MBNL3: variants seen among roughly 807,000 people sequenced by gnomAD.
MBNL3 encodes the protein muscleblind-like protein 3.
Under a neutral mutation model 24.5 loss-of-function variants are expected in MBNL3, and 6 were observed. The observed-to-expected ratio is 0.25, with a 90% CI of 0.13 to 0.48. The LOEUF (loss-of-function observed/expected upper bound fraction) is 0.48, where lower values mean the gene tolerates loss of function less well. Ranked by LOEUF, MBNL3 falls within the 20% of genes least tolerant of loss-of-function variation. The probability of loss-of-function intolerance (pLI) is 0.99; values close to 1 mark genes in which losing one functional copy is unlikely to be tolerated. For synonymous variants in MBNL3, 100 were observed against 101.7 expected, an observed-to-expected ratio of 0.98 and a Z score of 0.10; for missense variants, 230 against 293.5, an observed-to-expected ratio of 0.78 and a Z score of 1.58.
chrX:132,440,977 A>G (rs1004205154), intron 1 of MBNL3, among the ~76,000 whole-genome samples: 1 of 112,626 alleles, frequency 8.9e-6, no homozygotes, highest in Non-Finnish European at 1.9e-5. Context: ...TTTTTCAACA[A>G]TATTTTCAAC....
chrX:132,389,035 G>T (rs767126305), intron 5 of MBNL3, among the ~76,000 whole-genome samples: 1 of 111,546 alleles, frequency 9.0e-6, no homozygotes, highest in Admixed American at 9.5e-5. Context: ...AGCTCTCTAC[G>T]TGGAAATTTG....
intron 1 of MBNL3, among the ~76,000 whole-genome samples, chrX:132,485,721 C>T (rs1947977025): frequency 8.9e-6 from 1 of 112,376 alleles, no homozygotes; most frequent in Non-Finnish European, 1.9e-5. Context: ...AATTAAACAA[C>T]TTGCTCCCAG....
intron 2 of MBNL3, chrX:132,429,889 C>T (rs1051809904): frequency 4.5e-5 from 5 of 112,198 alleles, no homozygotes; most frequent in Non-Finnish European, 9.4e-5. Context: ...TGAACTAGGT[C>T]AAGTCACTCT....
At chrX:132,448,964 T>C (rs1480117318) in intron 1 of MBNL3, among the ~76,000 whole-genome samples, 3 of 112,294 alleles carry the variant, frequency 2.7e-5, no homozygotes, top group Non-Finnish European at 3.8e-5. Flanking sequence ...GTGAGTTTCT[T>C]AATCCTGAGT....
chrX:132,387,628 CAA>C (rs1408855605), intron 5 of MBNL3, among the ~76,000 whole-genome samples: 1 of 111,788 alleles, frequency 8.9e-6, no homozygotes, highest in Non-Finnish European at 1.9e-5. Flanking sequence ...CCAGTTTATA[CAA>C]AGACTTCAGG....
chrX:132,413,038 A>AAAC (rs1408893688), intron 2 of MBNL3, among the ~76,000 whole-genome samples: 1 of 112,686 alleles, frequency 8.9e-6, no homozygotes. Flanking sequence ...CTAAGAAATA[A>AAAC]AACACACAGA....
chrX:132,489,519 C>T (rs1948181429), upstream of MBNL3, among the ~76,000 whole-genome samples: 1 of 111,553 alleles, frequency 9.0e-6, no homozygotes, highest in Non-Finnish European at 1.9e-5. Context: ...GCGTGCCCTC[C>T]TCCCGGGCCA....
chrX:132,482,019 G>C (rs1947766159), intron 1 of MBNL3, among the ~76,000 whole-genome samples: 1 of 112,109 alleles, frequency 8.9e-6, no homozygotes, highest in African/African-American at 3.3e-5. Context: ...TGTGGAAGCT[G>C]AAAGAGTTGA....
Position 132,376,407 on chromosome X carries a change from C to CT in MBNL3, c.*3258dup, listed in dbSNP as rs1003665524. 2 of 111,331 alleles carry CT rather than the reference C, an allele frequency of 1.8e-5. No homozygotes were observed. The highest frequency in any genetic ancestry group is 6.5e-5 in the African/African-American group (2 of 30,752). 9.2% of individuals were successfully genotyped at this position (111,331 alleles called of 1,213,427 possible). On this transcript the variant is annotated 3_prime_UTR_variant, in exon 9 of 9. Coordinates refer to ENST00000370853, the MANE Select transcript of MBNL3 (RefSeq NM_001386889.1). ...ATACGTATGTTATGGTCACATAGTACTTTTTTAAAAAGTTGACACTACTAA... is the reference window on the plus strand; with the variant it reads ...ATACGTATGTTATGGTCACATAGTACTTTTTTTAAAAAGTTGACACTACTAA...
chrX:132,396,528 A>ATAT (rs1199963615), intron 3 of MBNL3, among the ~76,000 whole-genome samples: 1 of 65,876 alleles, frequency 1.5e-5, no homozygotes, highest in Admixed American at 2.2e-4. Flanking sequence ...ATTCATATAT[A>ATAT]TATTCATATA....
chrX:132,427,392 A>G (rs1224220714), intron 2 of MBNL3, among the ~76,000 whole-genome samples: 2 of 111,554 alleles, frequency 1.8e-5, no homozygotes, highest in African/African-American at 6.5e-5. Flanking sequence ...AAGTAAAATA[A>G]CCAGGAAATT....
At chrX:132,489,440 G>A (rs2148565604), upstream of MBNL3, among the ~76,000 whole-genome samples, 1 of 111,622 alleles carries the variant, frequency 9.0e-6, no homozygotes, top group Non-Finnish European at 1.9e-5. Flanking sequence ...GGCCGGGCGT[G>A]GGGCTCCCGC....
rs1348325159 is a variant in MBNL3 at position 132,370,100 on chromosome X, G to A, written c.*9566C>T. ...TTCCCCAGACACCCACTGTCCTCCT[G>A]CCTAAGGGAGTAGTGTAAGTCAGGC... On this transcript the variant is annotated 3_prime_UTR_variant, in exon 9 of 9. Coordinates refer to ENST00000370853, the MANE Select transcript of MBNL3 (RefSeq NM_001386889.1). 8.9e-6 allele frequency: 1 copy of A among 111,866 alleles called. No individual in the cohort carries two copies. Among genetic ancestry groups the A allele is most frequent in the Non-Finnish European group, 1.9e-5 (1 of 53,198 alleles). 9.2% of individuals were successfully genotyped at this position (111,866 alleles called of 1,213,427 possible). A position where few individuals can be genotyped will look rare whatever the true frequency, so the allele number is the denominator to read the frequency against.
intron 1 of MBNL3, among the ~76,000 whole-genome samples, chrX:132,470,702 A>G (rs1438605029): frequency 9.0e-6 from 1 of 111,702 alleles, no homozygotes; most frequent in Non-Finnish European, 1.9e-5. Flanking sequence ...TAATCAAATG[A>G]TGCTTTCCCC....
At chrX:132,405,823 G>A (rs1465064025) in intron 3 of MBNL3, among the ~76,000 whole-genome samples, 1 of 93,321 alleles carries the variant, frequency 1.1e-5, no homozygotes, top group African/African-American at 4.3e-5. Context: ...GTTGCAATGA[G>A]CCTAGATCGC....
chrX:132,408,188 T>A (rs1357432939), intron 2 of MBNL3, among the ~76,000 whole-genome samples: 4 of 89,880 alleles, frequency 4.5e-5, no homozygotes, highest in African/African-American at 1.6e-4. Flanking sequence ...CCTAACCAGG[T>A]CTAAATAACT....
At chrX:132,435,339 CA>C (rs1274626910) in intron 2 of MBNL3, among the ~76,000 whole-genome samples, 1 of 111,682 alleles carries the variant, frequency 9.0e-6, no homozygotes, top group Non-Finnish European at 1.9e-5. Flanking sequence ...CTCAAGATGA[CA>C]GCTGCTGCTT....
At chrX:132,401,249 A>C (rs1223352742) in intron 3 of MBNL3, among the ~76,000 whole-genome samples, 1 of 111,715 alleles carries the variant, frequency 9.0e-6, no homozygotes, top group African/African-American at 3.2e-5. Context: ...ATGTGAACTA[A>C]AAAACTGTAA....
intron 2 of MBNL3, among the ~76,000 whole-genome samples, chrX:132,427,012 A>C (rs1003090651): frequency 1.8e-5 from 2 of 111,787 alleles, no homozygotes; most frequent in Non-Finnish European, 3.8e-5. Context: ...TAGTCTTACA[A>C]ATTCAGTGCT....
Sources: gnomAD v4.1 joint callset for allele counts (sites outside exome capture counted in the v4.1 genomes callset) on GRCh38, gnomAD v4.1.1 for gene constraint, MANE v1.5 for transcripts, NCBI Gene and HGNC (gene_info 2026-07-23, HGNC 2026-07-21) for gene names.